The following NTNG1 variants were observed in gnomAD, a reference collection of about 807,000 sequenced individuals.
NTNG1 encodes the protein netrin G1.
Under a neutral mutation model 54.0 loss-of-function variants are expected in NTNG1, and 16 were observed. That is an observed-to-expected ratio of 0.30 (90% CI 0.20 to 0.45). NTNG1 has a LOEUF of 0.45. Ranked by LOEUF, NTNG1 falls within the 20% of genes least tolerant of loss-of-function variation. The pLI is 1.00. For missense variants in NTNG1, 530 were observed against 678.7 expected, an observed-to-expected ratio of 0.78 and a Z score of 2.43; for synonymous variants, 255 against 263.1, an observed-to-expected ratio of 0.97 and a Z score of 0.30.
chr1:107,266,276 A>G (rs1396791284), intron 2 of NTNG1, among the ~76,000 whole-genome samples: 1 of 152,180 alleles, frequency 6.6e-6, no homozygotes, highest in African/African-American at 2.4e-5. Flanking sequence ...GCTATAAAGA[A>G]ATACCTGAAA....
At chr1:107,311,046 CAAAG>C (rs1021909608) in intron 2 of NTNG1, among the ~76,000 whole-genome samples, 32 of 152,120 alleles carry the variant, frequency 2.1e-4, no homozygotes, top group Non-Finnish European at 3.7e-4. Context: ...GGCAAATAAA[CAAAG>C]AGCATATCCC....
At chr1:107,257,661 A>G (rs113880601) in intron 2 of NTNG1, among the ~76,000 whole-genome samples, 5,598 of 152,232 alleles carry the variant, frequency 0.037, 333 homozygotes, top group African/African-American at 0.13. Flanking sequence ...GGGTCTATGG[A>G]TGGGCACTGT....
chr1:107,469,978 C>T (rs928159573), intron 7 of NTNG1, among the ~76,000 whole-genome samples: 19 of 152,058 alleles, frequency 1.2e-4, no homozygotes, highest in African/African-American at 4.1e-4. Context: ...GTAAAAATGT[C>T]CACTCATTTA....
chr1:107,362,972 A>T (rs189405229), intron 3 of NTNG1, among the ~76,000 whole-genome samples: 1 of 152,038 alleles, frequency 6.6e-6, no homozygotes, highest in Non-Finnish European at 1.5e-5. Flanking sequence ...CTTCTGTTTC[A>T]TGGCTTTTCC....
intron 2 of NTNG1, among the ~76,000 whole-genome samples, chr1:107,149,232 T>TTTA (rs1654373072): frequency 6.6e-6 from 1 of 152,208 alleles, no homozygotes; most frequent in Non-Finnish European, 1.5e-5. Context: ...CACAAATGTT[T>TTTA]CTTCACATAT....
chr1:107,311,053 C>G (rs912475266), intron 2 of NTNG1, among the ~76,000 whole-genome samples: 3 of 152,236 alleles, frequency 2.0e-5, no homozygotes, highest in Non-Finnish European at 4.4e-5. Flanking sequence ...AAACAAAGAG[C>G]ATATCCCTCT....
chr1:107,251,601 A>G (rs1280944313), intron 2 of NTNG1, among the ~76,000 whole-genome samples: 7 of 152,066 alleles, frequency 4.6e-5, no homozygotes, highest in Non-Finnish European at 1.0e-4. Flanking sequence ...AAAACCTCTA[A>G]CTGGACTAGT....
intron 3 of NTNG1, among the ~76,000 whole-genome samples, chr1:107,330,352 A>C (rs1454052003): frequency 6.6e-6 from 1 of 152,162 alleles, no homozygotes; most frequent in Non-Finnish European, 1.5e-5. Flanking sequence ...AGTAAAGGCT[A>C]TTCTGGTGTA....
intron 2 of NTNG1, among the ~76,000 whole-genome samples, chr1:107,155,468 T>C (rs1467743169): frequency 1.3e-5 from 2 of 152,130 alleles, no homozygotes; most frequent in African/African-American, 2.4e-5. Context: ...TAGATCTCTA[T>C]ATCTAGATAG....
chr1:107,380,437 C>T (rs1364383538), intron 3 of NTNG1, among the ~76,000 whole-genome samples: 1 of 152,064 alleles, frequency 6.6e-6, no homozygotes, highest in Non-Finnish European at 1.5e-5. Flanking sequence ...CACATATACT[C>T]CCTAGGGATG....
chr1:107,233,454 T>A (rs1449830227), intron 2 of NTNG1, among the ~76,000 whole-genome samples: 1 of 152,208 alleles, frequency 6.6e-6, no homozygotes, highest in Non-Finnish European at 1.5e-5. Context: ...TAAAAAGAAA[T>A]GCAATGTGTA....
intron 3 of NTNG1, among the ~76,000 whole-genome samples, chr1:107,374,265 C>G (rs759443577): frequency 7.9e-5 from 12 of 151,982 alleles, no homozygotes; most frequent in Non-Finnish European, 1.6e-4. Flanking sequence ...CATGACACTC[C>G]TTGGATTTGG....
At chr1:107,338,340 A>T (rs1480782700) in intron 3 of NTNG1, among the ~76,000 whole-genome samples, 1 of 151,996 alleles carries the variant, frequency 6.6e-6, no homozygotes, top group Non-Finnish European at 1.5e-5. Context: ...TGTATAAAAC[A>T]TAAGCTGAAC....
At chr1:107,306,367 A>G (rs1666696443) in intron 2 of NTNG1, among the ~76,000 whole-genome samples, 1 of 152,192 alleles carries the variant, frequency 6.6e-6, no homozygotes, top group Non-Finnish European at 1.5e-5. Context: ...TCTCATTTGG[A>G]CTAGCTACAT....
intron 2 of NTNG1, among the ~76,000 whole-genome samples, chr1:107,310,489 G>A (rs1215571525): frequency 6.6e-6 from 1 of 152,076 alleles, no homozygotes; most frequent in Non-Finnish European, 1.5e-5. Flanking sequence ...GGATCTGATA[G>A]ATCAACAGCT....
intron 2 of NTNG1, among the ~76,000 whole-genome samples, chr1:107,319,366 C>T (rs776499815): frequency 1.5e-4 from 23 of 152,148 alleles, no homozygotes; most frequent in Non-Finnish European, 2.8e-4. Flanking sequence ...CTCCCAGAAG[C>T]TTTCTAGACG....
chr1:107,229,013 C>G (rs1660876328), intron 2 of NTNG1, among the ~76,000 whole-genome samples: 1 of 152,064 alleles, frequency 6.6e-6, no homozygotes, highest in Admixed American at 6.6e-5. Context: ...ATAAAGATGG[C>G]TTGAGGATGC....
chr1:107,378,865 C>T (rs17018825), intron 3 of NTNG1, among the ~76,000 whole-genome samples: 3,338 of 152,200 alleles, frequency 0.022, 112 homozygotes, highest in East Asian at 0.065. Flanking sequence ...ACTGCACAGT[C>T]CCCCCACACA....
intron 2 of NTNG1, among the ~76,000 whole-genome samples, chr1:107,242,435 T>C (rs1334354383): frequency 6.6e-6 from 1 of 152,208 alleles, no homozygotes; most frequent in East Asian, 1.9e-4. Context: ...TCAAAGGCTT[T>C]AGGAATCTGT....
Sources: gnomAD v4.1 joint callset for allele counts (sites outside exome capture counted in the v4.1 genomes callset) on GRCh38, gnomAD v4.1.1 for gene constraint, MANE v1.5 for transcripts, NCBI Gene and HGNC (gene_info 2026-07-23, HGNC 2026-07-21) for gene names.